The following UBE2R2 variants were observed in gnomAD, a reference collection of about 807,000 sequenced individuals.
The protein encoded by UBE2R2 is ubiquitin-conjugating enzyme E2 R2.
Under a neutral mutation model 27.8 loss-of-function variants are expected in UBE2R2, and 1 was observed. That is an observed-to-expected ratio of 0.04 (90% CI 0.01 to 0.17). The LOEUF is 0.17. Ranked by LOEUF, UBE2R2 falls within the 10% of genes least tolerant of loss-of-function variation. The pLI is 1.00. For missense variants in UBE2R2, 100 were observed against 291.0 expected, an observed-to-expected ratio of 0.34 and a Z score of 4.78; for synonymous variants, 106 against 113.3, an observed-to-expected ratio of 0.94 and a Z score of 0.41.
intron 1 of UBE2R2, among the ~76,000 whole-genome samples, chr9:33,853,920 T>C (rs1353868327): frequency 6.6e-6 from 1 of 151,902 alleles, no homozygotes; most frequent in Non-Finnish European, 1.5e-5. Flanking sequence ...GGTCTCAAGC[T>C]CTTGGGCTCA....
At chr9:33,844,874 C>A (rs1047631564) in intron 1 of UBE2R2, among the ~76,000 whole-genome samples, 1 of 151,622 alleles carries the variant, frequency 6.6e-6, no homozygotes, top group African/African-American at 2.4e-5. Flanking sequence ...TCAAGCGATT[C>A]TCTTGCCTCA....
intron 1 of UBE2R2, among the ~76,000 whole-genome samples, chr9:33,865,758 T>C (rs1020933600): frequency 9.9e-5 from 15 of 152,038 alleles, no homozygotes; most frequent in Admixed American, 7.2e-4. Flanking sequence ...TCACATGTAG[T>C]GTAGTGTTTT....
intron 3 of UBE2R2, among the ~76,000 whole-genome samples, chr9:33,901,110 C>T (rs972597708): frequency 1.3e-5 from 2 of 152,126 alleles, no homozygotes; most frequent in Non-Finnish European, 2.9e-5. Flanking sequence ...TGTATGCCAC[C>T]ATACCTAGCT....
At chr9:33,866,033 T>C (rs1304768691) in intron 1 of UBE2R2, among the ~76,000 whole-genome samples, 2 of 151,814 alleles carry the variant, frequency 1.3e-5, no homozygotes, top group Non-Finnish European at 2.9e-5. Flanking sequence ...GGCTTCACCA[T>C]GTTGGCCAGG....
At chr9:33,833,183 G>A (rs1203014423) in intron 1 of UBE2R2, among the ~76,000 whole-genome samples, 2 of 152,268 alleles carry the variant, frequency 1.3e-5, no homozygotes, top group South Asian at 2.1e-4. Context: ...TCCTGCCTCA[G>A]CCTCCCGAGT....
At chr9:33,859,801 A>AGT (rs1821188506) in intron 1 of UBE2R2, among the ~76,000 whole-genome samples, 1 of 48,970 alleles carries the variant, frequency 2.0e-5, no homozygotes, top group Admixed American at 2.3e-4. Flanking sequence ...TGTGTGTGTG[A>AGT]GAGAGAGAGA....
chr9:33,822,035 T>C (rs1825989833), intron 1 of UBE2R2, among the ~76,000 whole-genome samples: 1 of 152,082 alleles, frequency 6.6e-6, no homozygotes, highest in Admixed American at 6.6e-5. Context: ...TGTTGTATAC[T>C]TAAAGTTTTC....
intron 2 of UBE2R2, among the ~76,000 whole-genome samples, chr9:33,897,024 ATTTTTTTT>A (rs749987839): frequency 1.7e-4 from 7 of 40,596 alleles, no homozygotes; most frequent in African/African-American, 6.1e-4. Flanking sequence ...CTGTGGCCTA[ATTTTTTTT>A]TTTTTTTTTT....
At position 33,817,539 on chromosome 9, in the gene UBE2R2, TGAG is replaced by T. The variant is rs555656383; in HGVS notation, c.-215_-213del. The T allele has an allele frequency of 1.2e-4, 32 of 265,316 alleles. No homozygotes were observed. The Admixed American group carries it at 1.3e-3, about 11-fold the overall frequency. 16.4% of individuals were successfully genotyped at this position (265,316 alleles called of 1,614,324 possible). A position where few individuals can be genotyped will look rare whatever the true frequency, so the allele number is the denominator to read the frequency against. On this transcript the variant is annotated 5_prime_UTR_variant, in exon 1 of 5. Transcript: ENST00000263228. The stretch of plus-strand genomic sequence containing the variant: ...CCTCTCCTCTCGCCCGGCCCGAGTG[TGAG>T]GAGAAGGGCCCGGCCCGGCCTGCGT...
intron 4 of UBE2R2, among the ~76,000 whole-genome samples, chr9:33,913,466 T>TG (rs552995855): frequency 4.8e-4 from 73 of 151,940 alleles, no homozygotes; most frequent in African/African-American, 1.7e-3. Flanking sequence ...CTTGCTGTGT[T>TG]GCCCAGCCTG....
At chr9:33,832,083 C>T (rs1460987716) in intron 1 of UBE2R2, among the ~76,000 whole-genome samples, 2 of 150,854 alleles carry the variant, frequency 1.3e-5, no homozygotes, top group Non-Finnish European at 3.0e-5. Flanking sequence ...CCGAGGTGGG[C>T]GGATCACCTG....
chr9:33,884,475 C>T (rs192399661), intron 1 of UBE2R2, among the ~76,000 whole-genome samples: 2 of 151,722 alleles, frequency 1.3e-5, no homozygotes, highest in African/African-American at 4.8e-5. Flanking sequence ...AGTAGGGTCT[C>T]GCTACCTTGC....
At chr9:33,867,113 C>T (rs1821381159) in intron 1 of UBE2R2, among the ~76,000 whole-genome samples, 1 of 152,126 alleles carries the variant, frequency 6.6e-6, no homozygotes, top group Non-Finnish European at 1.5e-5. Context: ...CAGTCTCAAT[C>T]TGCTGACCTT....
At chr9:33,826,802 G>C (rs1391671070) in intron 1 of UBE2R2, among the ~76,000 whole-genome samples, 1 of 152,142 alleles carries the variant, frequency 6.6e-6, no homozygotes, top group Non-Finnish European at 1.5e-5. Context: ...TATTGGGTGG[G>C]TGCAGTGGCT....
chr9:33,895,768 CT>C (rs776870484), intron 2 of UBE2R2, among the ~76,000 whole-genome samples: 3,713 of 90,054 alleles, frequency 0.041, 18 homozygotes, highest in South Asian at 0.065. Context: ...CTCTCTCTCT[CT>C]TTTTTTTTTT....
At chr9:33,887,466 G>A (rs1276748705) in intron 2 of UBE2R2, among the ~76,000 whole-genome samples, 1 of 152,136 alleles carries the variant, frequency 6.6e-6, no homozygotes, top group Non-Finnish European at 1.5e-5. Context: ...TGAGGTTCTT[G>A]TACTAGACAA....
At chr9:33,907,598 G>A (rs117882248) in intron 3 of UBE2R2, among the ~76,000 whole-genome samples, 2,296 of 152,070 alleles carry the variant, frequency 0.015, 36 homozygotes, top group South Asian at 0.023. Context: ...GTAGAGAAGG[G>A]TGGTGCACCA....
intron 1 of UBE2R2, among the ~76,000 whole-genome samples, chr9:33,830,495 G>T (rs1055065192): frequency 5.4e-5 from 8 of 149,496 alleles, no homozygotes; most frequent in Non-Finnish European, 1.2e-4. Flanking sequence ...GATTGGACGC[G>T]TTGGCTCATG....
intron 2 of UBE2R2, among the ~76,000 whole-genome samples, chr9:33,891,151 G>A (rs1821977318): frequency 6.7e-6 from 1 of 150,110 alleles, no homozygotes; most frequent in African/African-American, 2.4e-5. Context: ...CCGGGTTCAA[G>A]CTATTCTCCT....
Sources: gnomAD v4.1 joint callset for allele counts (sites outside exome capture counted in the v4.1 genomes callset) on GRCh38, gnomAD v4.1.1 for gene constraint, MANE v1.5 for transcripts, NCBI Gene and HGNC (gene_info 2026-07-23, HGNC 2026-07-21) for gene names.